Variants in PCDH15 observed in about 807,000 individuals in gnomAD.
PCDH15 encodes the protein protocadherin-15.
A neutral mutation model predicts 178.5 loss-of-function variants in PCDH15; 129 were observed. The observed-to-expected ratio is 0.72, with a 90% CI of 0.63 to 0.84. The LOEUF (loss-of-function observed/expected upper bound fraction) is 0.84. PCDH15 is among the 40% of genes least tolerant of loss of function. PCDH15 has a pLI of 0.00. For synonymous variants in PCDH15, 800 were observed against 732.0 expected (o/e 1.09, Z -1.50); for missense variants, 2,230 against 2,099.9 (o/e 1.06, Z -1.21).
chr10:54,450,155 ATATT>A (rs1270410229), intron 3 of PCDH15, among the ~76,000 whole-genome samples: 7 of 135,910 alleles, frequency 5.2e-5, no homozygotes, highest in African/African-American at 1.3e-4. Flanking sequence ...ATATATATAT[ATATT>A]ATACTTTAAG....
intron 1 of PCDH15, among the ~76,000 whole-genome samples, chr10:54,734,975 A>G (rs1943894477): frequency 6.6e-6 from 1 of 152,004 alleles, no homozygotes; most frequent in South Asian, 2.1e-4. Flanking sequence ...GTCAAATATA[A>G]TATTTCATAC....
chr10:53,972,986 G>A (rs1307298455), intron 21 of PCDH15, among the ~76,000 whole-genome samples: 1 of 152,094 alleles, frequency 6.6e-6, no homozygotes, highest in Admixed American at 6.6e-5. Flanking sequence ...AAAGACACAT[G>A]CACACCTATG....
intron 1 of PCDH15, among the ~76,000 whole-genome samples, chr10:54,738,327 A>C (rs1944375854): frequency 6.6e-6 from 1 of 152,124 alleles, no homozygotes; most frequent in Non-Finnish European, 1.5e-5. Flanking sequence ...ATATGGAAAT[A>C]AATAGTTTCC....
intron 2 of PCDH15, among the ~76,000 whole-genome samples, chr10:55,161,129 G>C (rs1249137101): frequency 1.3e-5 from 2 of 152,142 alleles, no homozygotes; most frequent in African/African-American, 4.8e-5. Flanking sequence ...TAGTCATACA[G>C]TATATACCAC....
chr10:54,441,006 T>C (rs1249744247), intron 3 of PCDH15, among the ~76,000 whole-genome samples: 1 of 151,916 alleles, frequency 6.6e-6, no homozygotes, highest in Non-Finnish European at 1.5e-5. Flanking sequence ...GACTATAAAA[T>C]TAAGAACATA....
At chr10:53,825,679 CTTT>C (rs1277862814) in intron 32 of PCDH15, among the ~76,000 whole-genome samples, 4 of 151,338 alleles carry the variant, frequency 2.6e-5, no homozygotes, top group Non-Finnish European at 5.9e-5. Context: ...TGACTTTGTT[CTTT>C]TTAAGATAAT....
intron 3 of PCDH15, among the ~76,000 whole-genome samples, chr10:54,811,926 A>G (rs1404179996): frequency 6.6e-6 from 1 of 152,134 alleles, no homozygotes; most frequent in Non-Finnish European, 1.5e-5. Context: ...TTTATTTTTC[A>G]TTTTTTAAAA....
chr10:54,941,588 GT>G (rs1328067520), intron 2 of PCDH15, among the ~76,000 whole-genome samples: 1 of 152,022 alleles, frequency 6.6e-6, no homozygotes, highest in African/African-American at 2.4e-5. Flanking sequence ...GCATCTGCCT[GT>G]TTTTGTCATT....
chr10:55,539,104 C>T (rs1211680776), intron 2 of PCDH15, among the ~76,000 whole-genome samples: 1 of 147,682 alleles, frequency 6.8e-6, no homozygotes, highest in East Asian at 2.0e-4. Context: ...TGCTTCCTTC[C>T]TTCCTTCTTC....
chr10:55,148,813 C>A (rs1838604420), intron 2 of PCDH15, among the ~76,000 whole-genome samples: 1 of 149,398 alleles, frequency 6.7e-6, no homozygotes, highest in African/African-American at 2.4e-5. Flanking sequence ...GAATTTTATA[C>A]AGCAGTCTAT....
intron 2 of PCDH15, among the ~76,000 whole-genome samples, chr10:55,613,112 C>T (rs905503812): frequency 1.3e-5 from 2 of 151,094 alleles, no homozygotes; most frequent in African/African-American, 4.9e-5. Context: ...CAAGCTCTCC[C>T]CAGATCTTAA....
intron 2 of PCDH15, among the ~76,000 whole-genome samples, chr10:55,355,833 G>T (rs200136449): frequency 6.6e-6 from 1 of 151,844 alleles, no homozygotes; most frequent in East Asian, 1.9e-4. Flanking sequence ...ACATCTAGAT[G>T]TGACATCCAA....
At chr10:55,571,814 A>G (rs1842411547) in intron 2 of PCDH15, among the ~76,000 whole-genome samples, 1 of 152,112 alleles carries the variant, frequency 6.6e-6, no homozygotes, top group African/African-American at 2.4e-5. Context: ...AGTTTATACA[A>G]GCCTGAGATT....
chr10:54,851,176 C>A (rs1177607893), intron 3 of PCDH15, among the ~76,000 whole-genome samples: 1 of 152,002 alleles, frequency 6.6e-6, no homozygotes, highest in Non-Finnish European at 1.5e-5. Context: ...CCCCATTCTC[C>A]ACAACGTAAT....
rs113740842 is a variant in PCDH15 at position 55,154,689 on chromosome 10, G to A, written c.-80+11887C>T. On this transcript the variant is annotated intron_variant, in intron 2 of 5. Coordinates refer to the PCDH15 transcript ENST00000458638. Reference sequence around the variant, plus strand: ...ACCACTCTGAGGAATATGCATAGTGGATAATTGGGTGGAATCATAAAAGGG... The same window carrying A: ...ACCACTCTGAGGAATATGCATAGTGAATAATTGGGTGGAATCATAAAAGGG... Among the ~76,000 whole-genome samples, 309 of 152,216 alleles carry A rather than the reference G, an allele frequency of 2.0e-3. 1 individual carries two copies. Among genetic ancestry groups the A allele is most frequent in the Non-Finnish European group, 3.5e-3 (236 of 68,018 alleles).
intron 2 of PCDH15, among the ~76,000 whole-genome samples, chr10:54,643,006 T>C (rs1249240360): frequency 6.6e-6 from 1 of 152,184 alleles, no homozygotes; most frequent in Non-Finnish European, 1.5e-5. Flanking sequence ...TCCTGAAACC[T>C]CCGCCTCCTG....
chr10:53,874,791 GAC>G, intron 26 of PCDH15, among the ~76,000 whole-genome samples: 1 of 151,880 alleles, frequency 6.6e-6, no homozygotes, highest in South Asian at 2.1e-4. Flanking sequence ...TGAATTAGTA[GAC>G]ACTGAATATA....
intron 1 of PCDH15, among the ~76,000 whole-genome samples, chr10:55,309,512 C>A (rs1588900319): frequency 1.4e-5 from 2 of 145,380 alleles, no homozygotes; most frequent in Admixed American, 1.3e-4. Context: ...CAGAACGAGA[C>A]CTTATCTTTT....
intron 13 of PCDH15, among the ~76,000 whole-genome samples, chr10:54,171,089 C>T (rs995361606): frequency 1.3e-4 from 20 of 152,172 alleles, no homozygotes; most frequent in Admixed American, 1.1e-3. Context: ...AGAAGGCCAC[C>T]GCAGGCATTT....
Sources: gnomAD v4.1 joint callset for allele counts (sites outside exome capture counted in the v4.1 genomes callset) on GRCh38, gnomAD v4.1.1 for gene constraint, MANE v1.5 for transcripts, NCBI Gene and HGNC (gene_info 2026-07-23, HGNC 2026-07-21) for gene names.